Variants in MLYCD observed in about 807,000 individuals in gnomAD.
MLYCD encodes the protein malonyl-CoA decarboxylase, mitochondrial.
MLYCD carries 27 observed loss-of-function variants against 35.8 expected under a neutral mutation model. The ratio of observed to expected loss-of-function variants is 0.75; its 90% CI spans 0.56 to 1.04. The LOEUF (loss-of-function observed/expected upper bound fraction) is 1.04, where lower values mean the gene tolerates loss of function less well. Among genes scored for constraint, MLYCD ranks in the 50% least tolerant of loss-of-function variants. The probability of loss-of-function intolerance (pLI) is 0.00; values close to 1 mark genes in which losing one functional copy is unlikely to be tolerated. For missense variants in MLYCD, 917 were observed against 665.1 expected (o/e 1.38, Z -4.17); for synonymous variants, 403 against 302.4 (o/e 1.33, Z -3.45).
rs1907641409 is a variant in MLYCD, at chr16:83,921,158, T to C, written c.*5669T>C. On this transcript the variant is annotated 3_prime_UTR_variant, in exon 5 of 5. Coordinates refer to ENST00000262430, the MANE Select transcript of MLYCD (RefSeq NM_012213.3). ...AATGGAAGGAAGATGGATGGACGAA[T>C]AGATGGAAGGAAGATGGGTGGATGG... is the stretch of plus-strand genomic sequence containing the variant. 6.8e-6 allele frequency: 1 copy of C among 146,344 alleles called. No homozygotes were observed. Among genetic ancestry groups the C allele is most frequent in the Admixed American group, 6.8e-5 (1 of 14,676 alleles). The allele number at this position is 146,344 out of a possible 1,614,324, so 9.1% of individuals were successfully genotyped here.
intron 3 of MLYCD, among the ~76,000 whole-genome samples, chr16:83,910,279 T>C (rs529781390): frequency 6.6e-6 from 1 of 152,192 alleles, no homozygotes; most frequent in Non-Finnish European, 1.5e-5. Context: ...TTTGACATTA[T>C]ACATACCTCA....
intron 3 of MLYCD, among the ~76,000 whole-genome samples, chr16:83,910,833 A>G (rs969480282): frequency 6.6e-6 from 1 of 152,112 alleles, no homozygotes; most frequent in African/African-American, 2.4e-5. Context: ...CCTTCATGTC[A>G]TGAGCTCTCC....
intron 1 of MLYCD, among the ~76,000 whole-genome samples, chr16:83,900,497 C>T (rs1038299663): frequency 4.0e-5 from 6 of 151,874 alleles, no homozygotes; most frequent in Non-Finnish European, 5.9e-5. Context: ...TCACTGCAGC[C>T]TCGACTTCCC....
In MLYCD at chr16:83,908,226, G is replaced by C. The variant is rs899051277; in HGVS notation, c.742G>C (p.Glu248Gln). 1.9e-6 allele frequency: 3 copies of C among 1,614,218 alleles called. No homozygotes were observed. The highest frequency in any genetic ancestry group is 1.7e-6 in the Non-Finnish European group (2 of 1,180,046). The change falls in exon 3 of 5, where the codon GAG becomes CAG. Residue 248 changes from glutamate (E) to glutamine (Q), a missense_variant. Physicochemically the swap from Glu to Gln is conservative, Grantham distance 29 (BLOSUM62 2). Transcript: ENST00000262430. ...YFFSHCSTPG[E>Q]PLVVLHVALT... ...CTTTTCTCACTGTTCGACCCCTGGG[G>C]AGCCCCTGGTCGTTTTGCACGTGGC...
At chr16:83,906,709 T>C (rs769053254) in intron 1 of MLYCD, among the ~76,000 whole-genome samples, 67 of 149,592 alleles carry the variant, frequency 4.5e-4, no homozygotes, top group Admixed American at 1.1e-3. Context: ...TATTATTTGA[T>C]TTGGGCAACT....
intron 4 of MLYCD, chr16:83,913,985 A>T (rs2151059534): frequency 6.6e-6 from 1 of 152,314 alleles, no homozygotes; most frequent in African/African-American, 2.4e-5. Flanking sequence ...CTCACGATAT[A>T]AATTCATATT....
chr16:83,914,108 T>C (rs79389271), intron 4 of MLYCD: 43 of 152,308 alleles, frequency 2.8e-4, no homozygotes, highest in African/African-American at 9.9e-4. Flanking sequence ...AGTGTGATGG[T>C]TTTATTTTCT....
intron 3 of MLYCD, among the ~76,000 whole-genome samples, chr16:83,910,409 C>T (rs773613898): frequency 7.9e-5 from 12 of 151,812 alleles, no homozygotes; most frequent in East Asian, 1.9e-4. Flanking sequence ...AAGGAGAGCC[C>T]GACGCAGTGA....
At chr16:83,911,017 C>T (rs979344070) in intron 3 of MLYCD, among the ~76,000 whole-genome samples, 4 of 152,126 alleles carry the variant, frequency 2.6e-5, no homozygotes, top group African/African-American at 9.7e-5. Flanking sequence ...TCGCTCTGTG[C>T]CCAGGCTGGA....
rs1032814471 is a variant in MLYCD at position 83,925,851 on chromosome 16, C to T, written c.*10362C>T. The T allele has an allele frequency of 1.9e-4, 29 of 152,504 alleles. 1 individual carries two copies. The highest frequency in any genetic ancestry group is 6.8e-4 in the African/African-American group (28 of 41,476). The allele number at this position is 152,504 out of a possible 1,614,324, so 9.4% of individuals were successfully genotyped here. ...CAGGAAGATTTCCCTGGTGGCTTGA[C>T]TAGGTCACAGTCCCCCTTTATTTGC... On this transcript the variant is annotated 3_prime_UTR_variant, in exon 5 of 5. Transcript: ENST00000262430.
chr16:83,917,755 C>T lies in MLYCD; in HGVS notation c.*2266C>T, dbSNP rs750717072. On this transcript the variant is annotated 3_prime_UTR_variant, in exon 5 of 5. Coordinates refer to ENST00000262430, the MANE Select transcript of MLYCD (RefSeq NM_012213.3). The stretch of plus-strand genomic sequence containing the variant: ...TTACCGTCTTTGCTTAGCTTTTGGC[C>T]TAGACCTTAAAGACCAGCAGTCTTC... 4 of 152,298 alleles carry T rather than the reference C, an allele frequency of 2.6e-5. No homozygotes were observed. The highest frequency in any genetic ancestry group is 5.9e-5 in the Non-Finnish European group (4 of 68,090). The allele number at this position is 152,298 out of a possible 1,614,324, so 9.4% of individuals were successfully genotyped here.
rs1907560246 is a variant in MLYCD at position 83,919,297 on chromosome 16, A to C, written c.*3808A>C. On this transcript the variant is annotated 3_prime_UTR_variant, in exon 5 of 5. Transcript: ENST00000262430. ...ATACACATGGTGCACAGCAGAATTC[A>C]CACAGTGCACAGGAGAACACACACA... The C allele has an allele frequency of 6.6e-6, 1 of 151,176 alleles. No homozygotes were observed. The highest frequency in any genetic ancestry group is 6.6e-5 in the Admixed American group (1 of 15,186). The allele number at this position is 151,176 out of a possible 1,614,324, so 9.4% of individuals were successfully genotyped here.
rs765383753 is a variant in MLYCD, at chr16:83,899,339, G to T, written c.195G>T (p.Glu65Asp). 1 of 1,515,052 alleles carries T rather than the reference G, an allele frequency of 6.6e-7. No homozygotes were observed. Among genetic ancestry groups the T allele is most frequent in the Non-Finnish European group, 8.8e-7 (1 of 1,139,624 alleles). The allele number at this position is 1,515,052 out of a possible 1,614,324, so 93.9% of individuals were successfully genotyped here. ...GCGAGAAGACACCGGCGCCCGCCGA[G>T]GGTCAGTGCGCGGACTTCGTGAGCT... ...ELREKTPAPA[E>D]GQCADFVSFY... The change falls in exon 1 of 5, where the codon GAG (glutamate) becomes GAT (aspartate). Residue 65 changes from glutamate (E) to aspartate (D), a missense_variant. Glu to Asp is a conservative substitution (Grantham distance 45). Transcript: ENST00000262430.
chr16:83,908,231 C>G lies in MLYCD; in HGVS notation c.747C>G (p.Pro249=). The G allele has an allele frequency of 3.1e-6, 5 of 1,614,206 alleles. No individual in the cohort carries two copies. The South Asian group carries it at 5.5e-5, about 18-fold the overall frequency. ...CTCACTGTTCGACCCCTGGGGAGCC[C>G]CTGGTCGTTTTGCACGTGGCACTGA... ...FFSHCSTPGE[P]LVVLHVALTG... The change falls in exon 3 of 5, where the codon CCC becomes CCG. Residue 249 remains proline, a synonymous_variant. Transcript: ENST00000262430.
intron 3 of MLYCD, 117 bp from the exon 4 acceptor site, chr16:83,912,101 G>C (rs1907199568): frequency 2.1e-6 from 3 of 1,438,908 alleles, no homozygotes; most frequent in Non-Finnish European, 2.9e-6. Flanking sequence ...GGGGAGCCGA[G>C]GTCTCTTCCA....
intron 1 of MLYCD, among the ~76,000 whole-genome samples, chr16:83,905,718 C>T (rs934366643): frequency 1.3e-5 from 2 of 152,232 alleles, no homozygotes; most frequent in African/African-American, 4.8e-5. Flanking sequence ...GCTTACCCCT[C>T]ATTGACCAGA....
Position 83,899,122 on chromosome 16 carries a change from C to T in MLYCD, c.-23C>T, listed in dbSNP as rs867271136. ...CGCGGCAGCGGCGGCGGCGCTCCCC[C>T]TCGGCAGCTGTTGTGGGGCACCATG... On this transcript the variant is annotated 5_prime_UTR_variant, in exon 1 of 5. Transcript: ENST00000262430. 42 of 1,106,616 alleles carry T rather than the reference C, an allele frequency of 3.8e-5. 1 individual carries two copies. The Middle Eastern group carries it at 1.2e-3, about 31-fold the overall frequency. 68.5% of individuals were successfully genotyped at this position (1,106,616 alleles called of 1,614,324 possible).
rs1362330349 is a variant in MLYCD, at chr16:83,908,236, T to G, written c.752T>G (p.Val251Gly). 1 of 1,614,214 alleles carries G rather than the reference T, an allele frequency of 6.2e-7. No individual in the cohort carries two copies. Among genetic ancestry groups the G allele is most frequent in the Non-Finnish European group, 8.5e-7 (1 of 1,180,036 alleles). Residue 251 changes from valine (V) to glycine (G), a missense_variant, in exon 3 of 5, where the codon GTC becomes GGC. By Grantham distance (109) the Val-to-Gly change is moderately radical. Coordinates refer to ENST00000262430, the MANE Select transcript of MLYCD (RefSeq NM_012213.3). ...TGTTCGACCCCTGGGGAGCCCCTGG[T>G]CGTTTTGCACGTGGCACTGACTGGT... ...SHCSTPGEPLVVLHVALTGDI... is the reference protein window; with the variant it reads ...SHCSTPGEPLGVLHVALTGDI...
chr16:83,899,812 C>A, intron 1 of MLYCD, 140 bp downstream of exon 1: 1 of 1,070,740 alleles, frequency 9.3e-7, no homozygotes, highest in Non-Finnish European at 1.3e-6. Flanking sequence ...TACCGCCTGC[C>A]AACTGTGTCC....
Sources: allele counts gnomAD v4.1 joint callset (sites outside exome capture counted in the v4.1 genomes callset), GRCh38; gene constraint gnomAD v4.1.1; transcripts MANE v1.5; gene names NCBI Gene and HGNC (gene_info 2026-07-23, HGNC 2026-07-21).